The following NAV2 variants were observed in gnomAD, a reference collection of about 807,000 sequenced individuals.
NAV2 encodes the protein neuron navigator 2, also known as helicase, APC down-regulated 1.
In NAV2, 54 loss-of-function variants were observed where a neutral mutation model predicts 223.2. The ratio of observed to expected loss-of-function variants is 0.24; its 90% CI spans 0.19 to 0.30. NAV2 has a LOEUF of 0.30. Ranked by LOEUF, NAV2 falls within the 10% of genes least tolerant of loss-of-function variation. The pLI is 1.00. For synonymous variants in NAV2, 1,279 were observed against 1,239.3 expected (o/e 1.03, Z -0.67); for missense variants, 2,806 against 3,147.5 (o/e 0.89, Z 2.60).
intron 1 of NAV2, among the ~76,000 whole-genome samples, chr11:19,484,069 T>C (rs1182894768): frequency 6.6e-6 from 1 of 151,628 alleles, no homozygotes; most frequent in Non-Finnish European, 1.5e-5. Context: ...TGGGTTCTGC[T>C]ACACTGATCT....
chr11:19,769,181 T>C lies in NAV2; in HGVS notation c.267+55219T>C, dbSNP rs373940292. Reference sequence around the variant, plus strand: ...CCAGGTTATCATGAGTTCTTGATGTTGGCATTTCACTGGAATATGACCAGG... The same window carrying C: ...CCAGGTTATCATGAGTTCTTGATGTCGGCATTTCACTGGAATATGACCAGG... On this transcript the variant is annotated intron_variant, in intron 1 of 37. Transcript: ENST00000349880. Among the ~76,000 whole-genome samples, 7 of 152,320 alleles carry C rather than the reference T, an allele frequency of 4.6e-5. No individual in the cohort carries two copies. In the East Asian group the frequency reaches 1.4e-3, roughly 29 times the overall value.
At chr11:19,536,758 A>G (rs548025874) in intron 1 of NAV2, among the ~76,000 whole-genome samples, 2 of 152,312 alleles carry the variant, frequency 1.3e-5, no homozygotes, top group African/African-American at 2.4e-5. Flanking sequence ...GAAGTCTAAG[A>G]TTATCCACTA....
intron 1 of NAV2, among the ~76,000 whole-genome samples, chr11:19,716,605 T>G (rs574163337): frequency 1.3e-5 from 2 of 152,328 alleles, no homozygotes; most frequent in South Asian, 2.1e-4. Context: ...GTAGAACATC[T>G]ATCACCTTTC....
intron 1 of NAV2, among the ~76,000 whole-genome samples, chr11:19,682,184 G>A (rs1331453935): frequency 2.0e-5 from 3 of 152,272 alleles, no homozygotes; most frequent in Admixed American, 2.0e-4. Context: ...TGTAGATTGA[G>A]GAGTGGGAAT....
At chr11:20,088,461 C>T (rs2436191) in intron 26 of NAV2, among the ~76,000 whole-genome samples, 9,808 of 152,256 alleles carry the variant, frequency 0.064, 700 homozygotes, top group African/African-American at 0.17. Context: ...AGGCGTGAGC[C>T]GCCAACCCGG....
At chr11:20,012,498 A>G (rs1039921037) in intron 11 of NAV2, among the ~76,000 whole-genome samples, 2 of 151,666 alleles carry the variant, frequency 1.3e-5, no homozygotes, top group African/African-American at 4.8e-5. Context: ...AACATGGAGA[A>G]AACCAATCTT....
intron 14 of NAV2, among the ~76,000 whole-genome samples, chr11:20,047,694 C>T (rs2057585726): frequency 6.6e-6 from 1 of 152,172 alleles, no homozygotes; most frequent in Admixed American, 6.5e-5. Context: ...CTGCCACCAC[C>T]CACTGTAGTA....
rs149870346 is a variant in NAV2, at chr11:20,057,560, T to C, written c.4831+1603T>C. Among the ~76,000 whole-genome samples the C allele has an allele frequency of 4.0e-3, 613 of 152,246 alleles. 4 individuals are homozygous for C. The highest frequency in any genetic ancestry group is 0.014 in the African/African-American group (584 of 41,542). On this transcript the variant is annotated intron_variant, in intron 19 of 37. Transcript: ENST00000349880. ...TAGAGAATATATTGTGATCCTAAGG[T>C]GAAGGAAGTGGCAGTTTGTCTTGAA...
At chr11:20,025,512 C>T (rs527564035) in intron 11 of NAV2, among the ~76,000 whole-genome samples, 2 of 152,142 alleles carry the variant, frequency 1.3e-5, no homozygotes, top group Non-Finnish European at 2.9e-5. Flanking sequence ...CCTAGTGTAA[C>T]AATGAGGGTC....
intron 1 of NAV2, among the ~76,000 whole-genome samples, chr11:19,366,390 G>T (rs1371268627): frequency 2.0e-5 from 3 of 152,198 alleles, no homozygotes; most frequent in Non-Finnish European, 2.9e-5. Flanking sequence ...AGCCAGGGCT[G>T]CTCTTCCTGC....
At chr11:20,056,652 T>TGG in intron 19 of NAV2, 8 of 1,507,630 alleles carry the variant, frequency 5.3e-6, no homozygotes, top group Non-Finnish European at 7.4e-6. Flanking sequence ...CAAAATTCTG[T>TGG]GGAGGATATC....
In NAV2 at chr11:20,080,154, C is replaced by A; in HGVS notation, c.5270C>A (p.Ser1757Tyr). The A allele has an allele frequency of 6.2e-7, 1 of 1,613,982 alleles. No homozygotes were observed. Among genetic ancestry groups the A allele is most frequent in the South Asian group, 1.1e-5 (1 of 91,068 alleles). The change falls in exon 25 of 38, where the codon TCC becomes TAC. Residue 1757 changes from serine to tyrosine, a missense_variant. Around this residue, in one of 4 missense-constraint regions of NAV2, gnomAD observed 824 missense variants for 1,069.4 expected, o/e 0.77. Transcript: ENST00000349880. ...VSSINSATSH[S>Y]SVGSNIESDS... is the part of the protein sequence containing the mutation. The stretch of plus-strand genomic sequence containing the variant: ...AGCATCAACAGTGCCACCAGCCACT[C>A]CAGCGTGGGCAGCAACATAGAGAGT...
At chr11:19,652,729 G>A (rs1465190954) in intron 1 of NAV2, among the ~76,000 whole-genome samples, 1 of 152,188 alleles carries the variant, frequency 6.6e-6, no homozygotes, top group Admixed American at 6.5e-5. Flanking sequence ...TGCAGCTTAT[G>A]CATTTACCTG....
intron 1 of NAV2, among the ~76,000 whole-genome samples, chr11:19,523,732 G>A (rs1376011238): frequency 6.6e-6 from 1 of 152,144 alleles, no homozygotes; most frequent in Non-Finnish European, 1.5e-5. Flanking sequence ...CAAAGCAATT[G>A]CTCTTCAGGA....
chr11:19,505,780 T>TA (rs2043106754), intron 1 of NAV2: 1 of 152,170 alleles, frequency 6.6e-6, no homozygotes, highest in Non-Finnish European at 1.5e-5. Context: ...TTCCTATATG[T>TA]ATGTTAGGCT....
At chr11:19,707,330 G>A (rs1019200142) in intron 1 of NAV2, among the ~76,000 whole-genome samples, 2 of 151,956 alleles carry the variant, frequency 1.3e-5, no homozygotes, top group South Asian at 2.1e-4. Flanking sequence ...AGCTTAAAAC[G>A]CAAACACATT....
At chr11:19,702,032 A>G (rs953956795) in intron 1 of NAV2, among the ~76,000 whole-genome samples, 1 of 152,172 alleles carries the variant, frequency 6.6e-6, no homozygotes, top group Admixed American at 6.5e-5. Context: ...CTGGCATCCC[A>G]CTTTCCTCTC....
At chr11:19,928,725 A>C (rs534108224) in intron 6 of NAV2, among the ~76,000 whole-genome samples, 47 of 152,312 alleles carry the variant, frequency 3.1e-4, no homozygotes, top group African/African-American at 1.1e-3. Flanking sequence ...ACTTGCCCAG[A>C]TTTGAATAGA....
chr11:19,558,654 A>AT (rs2044987127), intron 1 of NAV2, among the ~76,000 whole-genome samples: 2 of 152,176 alleles, frequency 1.3e-5, no homozygotes, highest in African/African-American at 4.8e-5. Context: ...TTTATAGAGC[A>AT]TTTTCACTTA....
Sources: allele counts gnomAD v4.1 joint callset (sites outside exome capture counted in the v4.1 genomes callset), GRCh38; gene constraint gnomAD v4.1.1; regional missense constraint gnomAD v4.1.1; transcripts MANE v1.5; gene names NCBI Gene and HGNC (gene_info 2026-07-23, HGNC 2026-07-21).